The following CLCN3 variants were observed in gnomAD, a reference collection of about 807,000 sequenced individuals.
CLCN3 encodes the protein Cl-/H+ antiporter 3.
CLCN3 carries 16 observed loss-of-function variants against 83.4 expected under a neutral mutation model. That is an observed-to-expected ratio of 0.19 (90% CI 0.13 to 0.29). The LOEUF (loss-of-function observed/expected upper bound fraction) is 0.29, where lower values mean the gene tolerates loss of function less well. CLCN3 is among the 10% of genes least tolerant of loss of function. CLCN3 has a pLI of 1.00. For missense variants in CLCN3, 544 were observed against 1,006.0 expected, an observed-to-expected ratio of 0.54 and a Z score of 6.21; for synonymous variants, 322 against 346.2, an observed-to-expected ratio of 0.93 and a Z score of 0.78.
At chr4:169,686,751 A>G (rs1272513366) in intron 3 of CLCN3, among the ~76,000 whole-genome samples, 2 of 152,208 alleles carry the variant, frequency 1.3e-5, no homozygotes, top group Non-Finnish European at 2.9e-5. Context: ...TCCTAGTACA[A>G]CAGAAGAGAG....
chr4:169,676,444 T>C (rs1731678726), intron 2 of CLCN3, among the ~76,000 whole-genome samples: 1 of 152,158 alleles, frequency 6.6e-6, no homozygotes, highest in African/African-American at 2.4e-5. Flanking sequence ...TCAGGTCTAA[T>C]AATTTTCACT....
chr4:169,628,151 C>T (rs1311085459), intron 1 of CLCN3, among the ~76,000 whole-genome samples: 1 of 152,090 alleles, frequency 6.6e-6, no homozygotes, highest in African/African-American at 2.4e-5. Context: ...ATACCCTGTG[C>T]ATGCACAAAT....
At chr4:169,704,234 G>A (rs369398438) in intron 10 of CLCN3, 50 bp downstream of exon 10, 1 of 1,549,230 alleles carries the variant, frequency 6.5e-7, no homozygotes. Context: ...GTCTGAGAGA[G>A]CCAAGAGAAA....
chr4:169,634,600 A>G (rs1049833717), intron 1 of CLCN3, among the ~76,000 whole-genome samples: 6 of 152,228 alleles, frequency 3.9e-5, no homozygotes, highest in African/African-American at 1.4e-4. Context: ...TAACTATAAA[A>G]CATTCATAAA....
intron 1 of CLCN3, among the ~76,000 whole-genome samples, chr4:169,634,074 CTAGG>C (rs774891912): frequency 3.3e-5 from 5 of 152,016 alleles, no homozygotes; most frequent in Admixed American, 6.5e-5. Flanking sequence ...GATCTGCAGG[CTAGG>C]TGTCTCAAAG....
In CLCN3 at chr4:169,720,120, TAAA is replaced by T. The variant is rs1343496740; in HGVS notation, c.*125_*127del. ...CCTTTACAAAAAAAGAAAGGAAATA[TAAA>T]AGCCGGGTTTTTGCAACATGGTTTG... On this transcript the variant is annotated 3_prime_UTR_variant, in exon 13 of 13. Coordinates refer to ENST00000513761, the MANE Select transcript of CLCN3 (RefSeq NM_001829.4). The T allele has an allele frequency of 2.0e-5, 30 of 1,488,880 alleles. No individual in the cohort carries two copies. The highest frequency in any genetic ancestry group is 2.7e-5 in the Non-Finnish European group (30 of 1,100,680). The allele number at this position is 1,488,880 out of a possible 1,614,324, so 92.2% of individuals were successfully genotyped here. A position where few individuals can be genotyped will look rare whatever the true frequency, so the allele number is the denominator to read the frequency against.
intron 12 of CLCN3, among the ~76,000 whole-genome samples, chr4:169,718,418 A>T (rs777020652): frequency 2.2e-4 from 33 of 152,178 alleles, no homozygotes; most frequent in Admixed American, 5.2e-4. Flanking sequence ...ATTTGTGATC[A>T]TAGCATTAGT....
At chr4:169,668,847 T>C in intron 2 of CLCN3, among the ~76,000 whole-genome samples, 1 of 152,174 alleles carries the variant, frequency 6.6e-6, no homozygotes, top group African/African-American at 2.4e-5. Context: ...TAAGTCCTCT[T>C]GAAGCTTCAG....
intron 1 of CLCN3, among the ~76,000 whole-genome samples, chr4:169,629,782 T>G (rs1026654397): frequency 6.6e-6 from 1 of 152,134 alleles, no homozygotes; most frequent in African/African-American, 2.4e-5. Context: ...ATCACAGAAA[T>G]AAATTTAATA....
intron 7 of CLCN3, among the ~76,000 whole-genome samples, chr4:169,693,852 G>A (rs1329631186): frequency 3.3e-5 from 5 of 152,070 alleles, no homozygotes; most frequent in East Asian, 1.9e-4. Flanking sequence ...TGTTTAATAC[G>A]TTGTTATTCT....
At chr4:169,628,846 C>T (rs1407158876) in intron 1 of CLCN3, among the ~76,000 whole-genome samples, 1 of 152,210 alleles carries the variant, frequency 6.6e-6, no homozygotes, top group Admixed American at 6.5e-5. Flanking sequence ...CCTGTACATG[C>T]ATGTTTGTAG....
chr4:169,692,077 T>G, intron 6 of CLCN3, 37 bp from the exon 7 acceptor site: 1 of 1,272,114 alleles, frequency 7.9e-7, no homozygotes, highest in Non-Finnish European at 1.1e-6. Context: ...TCATGTTTCT[T>G]AAAGGACATT....
Position 169,706,930 on chromosome 4 carries a change from G to A in CLCN3, c.1813G>A (p.Glu605Lys). 6.2e-7 allele frequency: 1 copy of A among 1,614,090 alleles called. No individual in the cohort carries two copies. Among genetic ancestry groups the A allele is most frequent in the Non-Finnish European group, 8.5e-7 (1 of 1,179,980 alleles). ...TGTTTTTGAGCTTACTGGAGGCTTG[G>A]AATATATTGTTCCCCTTATGGCTGC... ...VIVFELTGGL[E>K]YIVPLMAAVM... Residue 605 changes from glutamate (E) to lysine (K), a missense_variant, in exon 11 of 13, where the codon GAA becomes AAA. By Grantham distance (56) the Glu-to-Lys change is moderately conservative. This residue lies in a region of CLCN3 where 27 missense variants were observed against 100.2 expected (regional missense o/e 0.27). Coordinates refer to ENST00000513761, the MANE Select transcript of CLCN3 (RefSeq NM_001829.4).
intron 1 of CLCN3, among the ~76,000 whole-genome samples, chr4:169,632,561 C>T (rs1267861537): frequency 6.6e-6 from 1 of 151,640 alleles, no homozygotes; most frequent in African/African-American, 2.4e-5. Context: ...ACTAAAAACA[C>T]AAAAAATTAG....
intron 2 of CLCN3, among the ~76,000 whole-genome samples, chr4:169,642,335 T>C (rs1275468848): frequency 5.9e-5 from 9 of 152,190 alleles, no homozygotes; most frequent in Admixed American, 5.9e-4. Context: ...AAAGTGTTTA[T>C]AAAACAAAAA....
chr4:169,690,945 T>A (rs187208043), intron 6 of CLCN3, among the ~76,000 whole-genome samples: 1 of 152,172 alleles, frequency 6.6e-6, no homozygotes, highest in Non-Finnish European at 1.5e-5. Context: ...CTGGAAGAAG[T>A]ATCTTGTGAC....
chr4:169,684,429 A>G (rs1441325134), intron 3 of CLCN3, among the ~76,000 whole-genome samples: 2 of 152,084 alleles, frequency 1.3e-5, no homozygotes, highest in African/African-American at 4.8e-5. Flanking sequence ...GGATTTAAGT[A>G]TATTTGTGGT....
At chr4:169,688,037 T>C (rs1302442700) in intron 4 of CLCN3, among the ~76,000 whole-genome samples, 1 of 152,244 alleles carries the variant, frequency 6.6e-6, no homozygotes, top group Non-Finnish European at 1.5e-5. Context: ...ATAAAGTATC[T>C]TTTGATATTA....
At chr4:169,702,367 C>T (rs1045570554) in intron 9 of CLCN3, among the ~76,000 whole-genome samples, 1 of 152,166 alleles carries the variant, frequency 6.6e-6, no homozygotes, top group African/African-American at 2.4e-5. Context: ...TTTAAAACAA[C>T]ATGAATCTCC....
Sources: allele counts gnomAD v4.1 joint callset (sites outside exome capture counted in the v4.1 genomes callset), GRCh38; gene constraint gnomAD v4.1.1; regional missense constraint gnomAD v4.1.1; transcripts MANE v1.5; gene names NCBI Gene and HGNC (gene_info 2026-07-23, HGNC 2026-07-21).